MGA: variants seen among roughly 807,000 people sequenced by gnomAD.
MGA encodes MAX gene-associated protein.
Under a neutral mutation model 261.1 loss-of-function variants are expected in MGA, and 40 were observed. The observed-to-expected ratio is 0.15, with a 90% CI of 0.12 to 0.20. The LOEUF (loss-of-function observed/expected upper bound fraction) is 0.20, where lower values mean the gene tolerates loss of function less well. Ranked by LOEUF, MGA falls within the 10% of genes least tolerant of loss-of-function variation. The pLI, the probability that MGA is intolerant of heterozygous loss-of-function variation, is 1.00. For missense variants in MGA, 3,397 were observed against 3,630.5 expected (o/e 0.94, Z 1.65); for synonymous variants, 1,302 against 1,290.6 (o/e 1.01, Z -0.19).
upstream of MGA, among the ~76,000 whole-genome samples, chr15:41,656,093 G>T (rs1004661198): frequency 2.0e-5 from 3 of 152,164 alleles, no homozygotes; most frequent in African/African-American, 7.2e-5. Context: ...TAACACAGTT[G>T]TGGTAAATGC....
chr15:41,698,838 A>AT (rs563747871), intron 3 of MGA, 25 bp from the exon 4 acceptor site: 86,166 of 1,300,796 alleles, frequency 0.066, 51 homozygotes, highest in South Asian at 0.071. Context: ...ATGAACTACT[A>AT]TTTTTTTTTT....
At chr15:41,729,466 A>T in intron 11 of MGA, 117 bp downstream of exon 11, 1 of 965,836 alleles carries the variant, frequency 1.0e-6, no homozygotes, top group Non-Finnish European at 1.5e-6. Context: ...CATACATGAC[A>T]TGTATAACAG....
Position 41,628,174 on chromosome 15 carries a change from C to T in MGA, c.-68+6876C>T, listed in dbSNP as rs142687887. ...TCACCTGAGGTCAGGAGTTTGAGACCAGCTTGGCCAACATGGTGAAACCCT... is the reference window on the plus strand; with the variant it reads ...TCACCTGAGGTCAGGAGTTTGAGACTAGCTTGGCCAACATGGTGAAACCCT... On this transcript the variant is annotated intron_variant, in intron 1 of 8. Coordinates refer to the MGA transcript ENST00000566718. Among the ~76,000 whole-genome samples the T allele has an allele frequency of 6.4e-3, 965 of 151,948 alleles. 3 individuals carry two copies. The highest frequency in any genetic ancestry group is 0.01 in the Non-Finnish European group (702 of 67,934).
intron 1 of MGA, among the ~76,000 whole-genome samples, chr15:41,634,778 G>A (rs565621863): frequency 1.2e-4 from 18 of 152,226 alleles, no homozygotes; most frequent in African/African-American, 4.3e-4. Flanking sequence ...TTTTGTTTGA[G>A]TATGATAGAC....
chr15:41,759,035 TGA>T (rs778170443), intron 19 of MGA, among the ~76,000 whole-genome samples: 18 of 151,698 alleles, frequency 1.2e-4, no homozygotes, highest in Non-Finnish European at 1.8e-4. Flanking sequence ...AATTGGGAGG[TGA>T]GAGAGGGAAG....
At chr15:41,740,006 G>A (rs373852802) in intron 13 of MGA, 12 of 1,613,726 alleles carry the variant, frequency 7.4e-6, no homozygotes, top group East Asian at 4.5e-5. Flanking sequence ...GGCAGGTTGC[G>A]ACCCTCAGTC....
chr15:41,676,938 C>A lies in MGA; in HGVS notation c.1064+6980C>A, dbSNP rs1030891711. 2.6e-5 allele frequency among the ~76,000 whole-genome samples: 4 copies of A among 152,164 alleles called. No individual in the cohort carries two copies. The East Asian group carries it at 5.8e-4, about 22-fold the overall frequency. On this transcript the variant is annotated intron_variant, in intron 2 of 23. Coordinates refer to ENST00000219905, the MANE Select transcript of MGA (RefSeq NM_001164273.2). ...CCTGGTTTCCCAGCTGCTTTCCCCC[C>A]CAAAATCCCATGCTCTATTTGGTAG... is the stretch of plus-strand genomic sequence containing the variant.
intron 1 of MGA, among the ~76,000 whole-genome samples, chr15:41,651,342 T>C (rs2057038027): frequency 6.6e-6 from 1 of 152,196 alleles, no homozygotes; most frequent in Non-Finnish European, 1.5e-5. Context: ...GTTTTGATCT[T>C]CAGTGTTTTA....
intron 17 of MGA, among the ~76,000 whole-genome samples, chr15:41,752,549 GTTTTT>G (rs35282917): frequency 7.8e-5 from 8 of 102,114 alleles, no homozygotes; most frequent in African/African-American, 3.0e-4. Context: ...AACCTTTAAA[GTTTTT>G]TTTTTTTTTT....
chr15:41,752,541 C>G (rs1341663751), intron 17 of MGA, among the ~76,000 whole-genome samples: 1 of 145,238 alleles, frequency 6.9e-6, no homozygotes, highest in Non-Finnish European at 1.5e-5. Context: ...CATAATAGAA[C>G]CTTTAAAGTT....
intron 2 of MGA, among the ~76,000 whole-genome samples, chr15:41,675,615 G>A (rs1566962305): frequency 6.6e-6 from 1 of 152,122 alleles, no homozygotes; most frequent in Non-Finnish European, 1.5e-5. Flanking sequence ...TGGCTACAAG[G>A]ATCCTCCTAC....
At chr15:41,663,830 G>A (rs537254127) in intron 1 of MGA, among the ~76,000 whole-genome samples, 23 of 152,104 alleles carry the variant, frequency 1.5e-4, no homozygotes, top group Admixed American at 1.1e-3. Flanking sequence ...AGACTTTAGA[G>A]TGGTCTTGGT....
chr15:41,715,064 C>T (rs2060557748), intron 9 of MGA, among the ~76,000 whole-genome samples: 2 of 150,654 alleles, frequency 1.3e-5, no homozygotes, highest in African/African-American at 4.9e-5. Context: ...TTCCCTCCCC[C>T]ACTGCCCACC....
Position 41,696,417 on chromosome 15 carries a change from C to CT in MGA, c.1408dup (p.Tyr470LeufsTer13). The CT allele has an allele frequency of 6.2e-7, 1 of 1,613,988 alleles. No individual in the cohort carries two copies. Among genetic ancestry groups the CT allele is most frequent in the Non-Finnish European group, 8.5e-7 (1 of 1,179,892 alleles). ...TAGACACTGGAAAGATGCCAGTAGT[C>CT]TATCTGGAGCCCTGTGCTGTCACCA... On this transcript the variant is annotated frameshift_variant, in exon 3 of 24. Transcript: ENST00000219905. LOFTEE classifies it high-confidence loss of function.
At chr15:41,732,338 C>T (rs947249883) in intron 11 of MGA, among the ~76,000 whole-genome samples, 4 of 152,026 alleles carry the variant, frequency 2.6e-5, no homozygotes, top group East Asian at 1.9e-4. Flanking sequence ...TTAGTAGACA[C>T]GGGGTTTCAC....
intron 17 of MGA, chr15:41,751,398 G>A (rs1206121830): frequency 6.6e-6 from 1 of 152,110 alleles, no homozygotes. Flanking sequence ...GACTGCTGTT[G>A]TAGTATAAAA....
chr15:41,760,117 G>A (rs1176466143), intron 19 of MGA: 1 of 557,668 alleles, frequency 1.8e-6, no homozygotes, highest in African/African-American at 1.9e-5. Flanking sequence ...GATCACTTTA[G>A]CATGTATTAG....
chr15:41,708,159 C>T lies in MGA; in HGVS notation c.2376C>T (p.Ile792=). 1 of 1,602,396 alleles carries T rather than the reference C, an allele frequency of 6.2e-7. No homozygotes were observed. Residue 792 remains isoleucine (I), a synonymous_variant, in exon 7 of 24, where the codon ATC becomes ATT. Coordinates refer to ENST00000219905, the MANE Select transcript of MGA (RefSeq NM_001164273.2). ...GGAAAACCAATGATTTCACTAAGAT[C>T]AAGGGATGGAGGGGAAAATTTCATA... is the stretch of plus-strand genomic sequence containing the variant.
intron 9 of MGA, 120 bp downstream of exon 9, chr15:41,713,616 C>T: frequency 8.4e-7 from 1 of 1,185,864 alleles, no homozygotes; most frequent in East Asian, 2.6e-5. Context: ...TTTGAGACTT[C>T]TTATTATCCT....
Sources: gnomAD v4.1 joint callset for allele counts (sites outside exome capture counted in the v4.1 genomes callset) on GRCh38, gnomAD v4.1.1 for gene constraint, MANE v1.5 for transcripts, NCBI Gene and HGNC (gene_info 2026-07-23, HGNC 2026-07-21) for gene names.